The following MAP4K4 variants were observed in gnomAD, a reference collection of about 807,000 sequenced individuals.
MAP4K4 encodes the protein mitogen-activated protein kinase kinase kinase kinase 4.
A neutral mutation model predicts 189.6 loss-of-function variants in MAP4K4; 38 were observed. That is an observed-to-expected ratio of 0.20 (90% CI 0.15 to 0.26). The LOEUF is 0.26. Among genes scored for constraint, MAP4K4 ranks in the 10% least tolerant of loss-of-function variants. The pLI, the probability that MAP4K4 is intolerant of heterozygous loss-of-function variation, is 1.00. For missense variants in MAP4K4, 1,054 were observed against 1,726.9 expected (o/e 0.61, Z 6.91); for synonymous variants, 610 against 624.3 (o/e 0.98, Z 0.34).
At chr2:101,799,784 G>A (rs372102578) in intron 3 of MAP4K4, among the ~76,000 whole-genome samples, 6 of 151,990 alleles carry the variant, frequency 3.9e-5, no homozygotes, top group East Asian at 1.9e-4. Context: ...AAAATTTTTC[G>A]TAGAGACGAA....
exon 20 of MAP4K4, chr2:101,867,272 A>C: frequency 6.2e-7 from 1 of 1,607,914 alleles, no homozygotes; most frequent in Non-Finnish European, 8.5e-7. Flanking sequence ...AAAAAACCTG[A>C]AGATAAAAAG....
chr2:101,794,589 C>G (rs1290622295), intron 3 of MAP4K4, among the ~76,000 whole-genome samples: 2 of 152,166 alleles, frequency 1.3e-5, no homozygotes, highest in African/African-American at 4.8e-5. Context: ...CACCATGACA[C>G]TTCACCTGAA....
At chr2:101,731,381 G>A (rs1192449943) in intron 2 of MAP4K4, among the ~76,000 whole-genome samples, 1 of 151,948 alleles carries the variant, frequency 6.6e-6, no homozygotes, top group Non-Finnish European at 1.5e-5. Context: ...CATCCAAAGT[G>A]CTGGGATTAC....
chr2:101,791,863 A>T (rs1337716204), intron 3 of MAP4K4, among the ~76,000 whole-genome samples: 1 of 152,188 alleles, frequency 6.6e-6, no homozygotes, highest in African/African-American at 2.4e-5. Context: ...TTATGAGGTG[A>T]CCACTCTCTT....
At chr2:101,890,264 A>T (rs1249124134) in intron 32 of MAP4K4, among the ~76,000 whole-genome samples, 1 of 152,218 alleles carries the variant, frequency 6.6e-6, no homozygotes, top group Non-Finnish European at 1.5e-5. Context: ...ATTTATTAGA[A>T]GGTGTTAACA....
intron 19 of MAP4K4, 91 bp downstream of exon 19, chr2:101,866,670 A>G (rs1656798723): frequency 1.4e-6 from 2 of 1,459,720 alleles, no homozygotes; most frequent in East Asian, 2.3e-5. Flanking sequence ...GTTTGCGTGT[A>G]GCCACACGTC....
chr2:101,737,073 C>T (rs1181414852), intron 2 of MAP4K4, among the ~76,000 whole-genome samples: 1 of 152,094 alleles, frequency 6.6e-6, no homozygotes, highest in Non-Finnish European at 1.5e-5. Flanking sequence ...ATGACAAAAC[C>T]ATGAAACACA....
intron 3 of MAP4K4, among the ~76,000 whole-genome samples, chr2:101,792,933 C>G (rs773349166): frequency 6.6e-6 from 1 of 152,140 alleles, no homozygotes; most frequent in Non-Finnish European, 1.5e-5. Context: ...CGCGTCTGGC[C>G]CTCTGCTACC....
chr2:101,792,826 G>A (rs35429183), intron 3 of MAP4K4, among the ~76,000 whole-genome samples: 42,483 of 151,896 alleles, frequency 0.28, 6,692 homozygotes, highest in South Asian at 0.49. Flanking sequence ...GTAAGACAGG[G>A]TTTCACCATA....
At chr2:101,751,066 G>T (rs1371961280) in intron 2 of MAP4K4, among the ~76,000 whole-genome samples, 2 of 152,154 alleles carry the variant, frequency 1.3e-5, no homozygotes, top group African/African-American at 2.4e-5. Flanking sequence ...TGTTTCGTTG[G>T]GGGGTGTATG....
At chr2:101,877,280 T>C in intron 27 of MAP4K4, 134 bp downstream of exon 27, 1 of 864,196 alleles carries the variant, frequency 1.2e-6, no homozygotes, top group Non-Finnish European at 1.8e-6. Context: ...GACTTGACAA[T>C]AATGTGAGCT....
At chr2:101,836,165 C>T (rs1285284253) in intron 9 of MAP4K4, among the ~76,000 whole-genome samples, 187 bp downstream of exon 9, 1 of 152,150 alleles carries the variant, frequency 6.6e-6, no homozygotes, top group East Asian at 1.9e-4. Context: ...GTTAAATTCT[C>T]TCTGAATTAC....
intron 2 of MAP4K4, among the ~76,000 whole-genome samples, chr2:101,737,182 G>A (rs1009000075): frequency 2.2e-4 from 33 of 151,980 alleles, no homozygotes; most frequent in Non-Finnish European, 3.8e-4. Flanking sequence ...TCAGTCAGGT[G>A]TGTATGTACT....
intron 3 of MAP4K4, 66 bp downstream of exon 3, chr2:101,790,842 C>CA: frequency 7.7e-7 from 1 of 1,301,752 alleles, no homozygotes; most frequent in Non-Finnish European, 1.1e-6. Context: ...CCCAACAACA[C>CA]AGAGTATTAC....
rs572481216 is a variant in MAP4K4 at position 101,860,894 on chromosome 2, T to C, written c.1774T>C (p.Leu592=). 34 of 1,609,008 alleles carry C rather than the reference T, an allele frequency of 2.1e-5. No homozygotes were observed. The East Asian group carries it at 7.4e-4, about 35-fold the overall frequency. Residue 592 remains leucine, a synonymous_variant, in exon 16 of 33, where the codon TTG becomes CTG. Transcript: ENST00000324219. ...CCAGTCTAAGCAGACAGGCAGAGTA[T>C]TGGAGCCACCAGTGCCTTCCCGATC... is the stretch of plus-strand genomic sequence containing the variant.
intron 2 of MAP4K4, among the ~76,000 whole-genome samples, chr2:101,776,187 G>A (rs2150438222): frequency 6.6e-6 from 1 of 152,270 alleles, no homozygotes; most frequent in South Asian, 2.1e-4. Flanking sequence ...TGATCCAGTA[G>A]ATCTGGGTGA....
chr2:101,863,723 TC>T (rs1438674585), intron 16 of MAP4K4, 97 bp from the exon 17 acceptor site: 1 of 709,748 alleles, frequency 1.4e-6, no homozygotes, highest in African/African-American at 1.8e-5. Context: ...CGGTGTGTAT[TC>T]CGCCTCTGCC....
chr2:101,875,378 T>G (rs75189305), intron 26 of MAP4K4, among the ~76,000 whole-genome samples: 1 of 152,006 alleles, frequency 6.6e-6, no homozygotes, highest in Non-Finnish European at 1.5e-5. Context: ...TTTTTTTTTT[T>G]AATCTCTAAG....
At chr2:101,778,337 G>C (rs916028356) in intron 2 of MAP4K4, among the ~76,000 whole-genome samples, 1 of 152,190 alleles carries the variant, frequency 6.6e-6, no homozygotes, top group Non-Finnish European at 1.5e-5. Flanking sequence ...CACAGTGTGC[G>C]GGGTCCCCAC....
Sources: gnomAD v4.1 joint callset for allele counts (sites outside exome capture counted in the v4.1 genomes callset) on GRCh38, gnomAD v4.1.1 for gene constraint, MANE v1.5 for transcripts, NCBI Gene and HGNC (gene_info 2026-07-23, HGNC 2026-07-21) for gene names.